Variants in FOXP2 observed in about 807,000 individuals in gnomAD.
The protein encoded by FOXP2 is forkhead box P2, also known as forkhead box protein P2.
Under a neutral mutation model 115.8 loss-of-function variants are expected in FOXP2, and 12 were observed. That is an observed-to-expected ratio of 0.10 (90% confidence interval 0.07 to 0.17). The LOEUF is 0.17. Ranked by LOEUF, FOXP2 falls within the 10% of genes least tolerant of loss-of-function variation. The pLI is 1.00. For missense variants in FOXP2, 629 were observed against 843.5 expected (o/e 0.75, Z 3.15); for synonymous variants, 328 against 297.7 (o/e 1.10, Z -1.05).
intron 2 of FOXP2, among the ~76,000 whole-genome samples, chr7:114,481,812 A>ATATC (rs1318334864): frequency 8.0e-6 from 1 of 125,134 alleles, no homozygotes; most frequent in Admixed American, 8.0e-5. Flanking sequence ...ATCTATCTAT[A>ATATC]TATCTATCTA....
chr7:114,306,154 T>A (rs1021161240), intron 2 of FOXP2, among the ~76,000 whole-genome samples: 1 of 152,142 alleles, frequency 6.6e-6, no homozygotes, highest in Non-Finnish European at 1.5e-5. Flanking sequence ...GAGTACCAGG[T>A]CTGGTATTTG....
At chr7:114,351,794 A>G (rs1197158196) in intron 2 of FOXP2, among the ~76,000 whole-genome samples, 2 of 152,116 alleles carry the variant, frequency 1.3e-5, no homozygotes, top group African/African-American at 2.4e-5. Flanking sequence ...AATTAATGTC[A>G]TAATCGGATA....
intron 3 of FOXP2, among the ~76,000 whole-genome samples, chr7:114,566,742 A>C (rs546244030): frequency 5.2e-4 from 79 of 152,210 alleles, no homozygotes; most frequent in African/African-American, 1.8e-3. Flanking sequence ...TTTTATCCTA[A>C]ATATTATAAG....
intron 1 of FOXP2, among the ~76,000 whole-genome samples, chr7:114,095,570 G>T (rs965232197): frequency 2.0e-5 from 3 of 152,006 alleles, no homozygotes; most frequent in African/African-American, 7.2e-5. Flanking sequence ...ATGAGAGAAG[G>T]TAGAGTGCAT....
intron 1 of FOXP2, among the ~76,000 whole-genome samples, chr7:114,262,630 C>G (rs1795785591): frequency 6.6e-6 from 1 of 152,102 alleles, no homozygotes; most frequent in Non-Finnish European, 1.5e-5. Context: ...TGTCAAATAA[C>G]TGATGTTTAA....
intron 2 of FOXP2, among the ~76,000 whole-genome samples, chr7:114,532,169 G>A (rs1473304558): frequency 6.6e-6 from 1 of 151,870 alleles, no homozygotes; most frequent in Non-Finnish European, 1.5e-5. Flanking sequence ...AGATACTCAG[G>A]ATGTTACAAA....
Position 114,692,730 on chromosome 7 carries a change from A to G in FOXP2, c.*2804A>G, listed in dbSNP as rs757274426. 37 of 446,932 alleles carry G rather than the reference A, an allele frequency of 8.3e-5. No homozygotes were observed. The East Asian group carries it at 9.1e-4, about 11-fold the overall frequency. 27.7% of individuals were successfully genotyped at this position (446,932 alleles called of 1,614,324 possible). On this transcript the variant is annotated 3_prime_UTR_variant, in exon 17 of 17. Coordinates refer to ENST00000350908, the MANE Select transcript of FOXP2 (RefSeq NM_014491.4). ...TGGCTCATGTATTCTTGCTTCTATC[A>G]TAAGCTGATTATGGGGACTATGATC...
rs552978714 is a variant in FOXP2 at position 114,378,542 on chromosome 7, G to A, written c.-10-47960G>A. ...CTACAAAAAATCTAAAAATTAACTA[G>A]GCATGGTAGTACATTCCTGTGATCC... On this transcript the variant is annotated intron_variant, in intron 2 of 17. Coordinates refer to the FOXP2 transcript ENST00000634411. Among the ~76,000 whole-genome samples, 83 of 151,742 alleles carry A rather than the reference G, an allele frequency of 5.5e-4. 2 individuals carry two copies. The South Asian group carries it at 0.017, about 31-fold the overall frequency.
chr7:114,565,331 G>T (rs1056604198), intron 3 of FOXP2, among the ~76,000 whole-genome samples: 16 of 152,090 alleles, frequency 1.1e-4, no homozygotes, highest in African/African-American at 3.6e-4. Flanking sequence ...CTCATAGTAG[G>T]TACTGAAAAG....
At chr7:114,149,005 A>C (rs10254854) in intron 1 of FOXP2, among the ~76,000 whole-genome samples, 3 of 151,930 alleles carry the variant, frequency 2.0e-5, no homozygotes, top group Non-Finnish European at 4.4e-5. Context: ...TATACAGCTT[A>C]TGGCTGGCTA....
At chr7:114,101,373 C>A (rs1347038148) in intron 1 of FOXP2, among the ~76,000 whole-genome samples, 1 of 152,030 alleles carries the variant, frequency 6.6e-6, no homozygotes, top group African/African-American at 2.4e-5. Context: ...GAAATTTGTC[C>A]AAAATTACAC....
intron 1 of FOXP2, among the ~76,000 whole-genome samples, chr7:114,179,588 A>G (rs141185163): frequency 2.6e-5 from 4 of 152,088 alleles, no homozygotes; most frequent in South Asian, 2.1e-4. Flanking sequence ...AAAGTTGTCT[A>G]TTTACCACAA....
chr7:114,678,689 C>T (rs530027002), intron 16 of FOXP2, among the ~76,000 whole-genome samples: 15 of 150,950 alleles, frequency 9.9e-5, no homozygotes, highest in South Asian at 4.2e-4. Flanking sequence ...ATAAAATGTC[C>T]GGAGACCACA....
intron 1 of FOXP2, among the ~76,000 whole-genome samples, chr7:114,234,183 G>A (rs1024783046): frequency 6.6e-6 from 1 of 152,102 alleles, no homozygotes; most frequent in Non-Finnish European, 1.5e-5. Context: ...TTTAAGTGAG[G>A]TTGATACATT....
intron 2 of FOXP2, among the ~76,000 whole-genome samples, chr7:114,492,148 A>G (rs1420803949): frequency 2.0e-5 from 3 of 152,062 alleles, no homozygotes; most frequent in African/African-American, 7.2e-5. Context: ...GGGAGGGTGT[A>G]TGTGTCCAGG....
intron 16 of FOXP2, among the ~76,000 whole-genome samples, chr7:114,671,695 A>C (rs1322542935): frequency 1.3e-5 from 2 of 152,188 alleles, no homozygotes; most frequent in African/African-American, 2.4e-5. Flanking sequence ...AAAAATGAAG[A>C]TCTTATGTAC....
chr7:114,247,886 G>A (rs1795330261), intron 1 of FOXP2, among the ~76,000 whole-genome samples: 1 of 152,030 alleles, frequency 6.6e-6, no homozygotes, highest in Admixed American at 6.6e-5. Context: ...ACCAATAGGG[G>A]AAACACATAT....
intron 2 of FOXP2, among the ~76,000 whole-genome samples, chr7:114,397,731 C>T (rs1038663765): frequency 1.3e-5 from 2 of 152,142 alleles, no homozygotes; most frequent in Admixed American, 6.5e-5. Flanking sequence ...GTTCTTGGTA[C>T]AGTGGACTGC....
intron 2 of FOXP2, among the ~76,000 whole-genome samples, chr7:114,306,355 G>A (rs968685599): frequency 2.6e-5 from 4 of 152,158 alleles, no homozygotes; most frequent in Non-Finnish European, 1.5e-5. Context: ...GCACACACAG[G>A]ATATTCATTA....
Sources: gnomAD v4.1 joint callset for allele counts (sites outside exome capture counted in the v4.1 genomes callset) on GRCh38, gnomAD v4.1.1 for gene constraint, MANE v1.5 for transcripts, NCBI Gene and HGNC (gene_info 2026-07-23, HGNC 2026-07-21) for gene names.